Variants in BICD1 observed in about 807,000 individuals in gnomAD.
The protein encoded by BICD1 is protein bicaudal D homolog 1.
Under a neutral mutation model 92.5 loss-of-function variants are expected in BICD1, and 35 were observed. The observed-to-expected ratio is 0.38, with a 90% CI of 0.29 to 0.50. The LOEUF (loss-of-function observed/expected upper bound fraction) is 0.50, where lower values mean the gene tolerates loss of function less well. Among genes scored for constraint, BICD1 ranks in the 20% least tolerant of loss-of-function variants. The pLI is 0.93. For synonymous variants in BICD1, 429 were observed against 465.1 expected (o/e 0.92, Z 1.00); for missense variants, 950 against 1,189.8 (o/e 0.80, Z 2.97).
At chr12:32,207,297 C>T (rs370052669) in intron 1 of BICD1, among the ~76,000 whole-genome samples, 2 of 151,966 alleles carry the variant, frequency 1.3e-5, no homozygotes, top group Non-Finnish European at 2.9e-5. Flanking sequence ...GTACCAATTA[C>T]AAACCATCAG....
chr12:32,117,749 TA>T (rs1941983456), intron 1 of BICD1, among the ~76,000 whole-genome samples: 3 of 92,368 alleles, frequency 3.2e-5, no homozygotes, highest in Admixed American at 2.6e-4. Flanking sequence ...TATATATATA[TA>T]TATATATATT....
chr12:32,231,895 T>C (rs940875853), intron 2 of BICD1, among the ~76,000 whole-genome samples: 10 of 152,100 alleles, frequency 6.6e-5, no homozygotes, highest in Non-Finnish European at 1.5e-4. Context: ...ATTTCATCCA[T>C]GTCCCTACAA....
intron 9 of BICD1, among the ~76,000 whole-genome samples, chr12:32,371,155 A>T (rs866944926): frequency 3.5e-4 from 53 of 152,340 alleles, no homozygotes; most frequent in Non-Finnish European, 3.5e-4. Context: ...TACTTTAAAG[A>T]AAAGCAATTT....
chr12:32,282,623 G>A (rs976598057), intron 2 of BICD1, among the ~76,000 whole-genome samples: 4 of 152,148 alleles, frequency 2.6e-5, no homozygotes, highest in Admixed American at 2.6e-4. Context: ...GCCTGGATGA[G>A]GTTGCCTTTG....
At chr12:32,367,568 C>A in intron 8 of BICD1, 102 bp from the exon 9 acceptor site, 3 of 1,047,758 alleles carry the variant, frequency 2.9e-6, no homozygotes, top group Non-Finnish European at 4.3e-6. Flanking sequence ...TGTGAATGCA[C>A]ATTCCTCACT....
rs776167678 is a variant in BICD1, at chr12:32,338,882, C to G, written c.2667C>G (p.Ser889=). 6.2e-7 allele frequency: 1 copy of G among 1,610,190 alleles called. No individual in the cohort carries two copies. The highest frequency in any genetic ancestry group is 1.7e-5 in the Admixed American group (1 of 59,314). The change falls in exon 8 of 10, where the codon TCC becomes TCG. Residue 889 remains serine, a synonymous_variant. Transcript: ENST00000652176. ...NLLRVPPDPT[S]TESFLLKGPP... ...TAAGAGTTCCCCCTGATCCCACCTCCACAGAATCATTTCTTCTGAAGGGCC... is the reference window on the plus strand; with the variant it reads ...TAAGAGTTCCCCCTGATCCCACCTCGACAGAATCATTTCTTCTGAAGGGCC...
intron 1 of BICD1, among the ~76,000 whole-genome samples, chr12:32,131,931 G>A (rs1055134365): frequency 6.6e-6 from 1 of 152,184 alleles, no homozygotes; most frequent in Non-Finnish European, 1.5e-5. Context: ...AAAGCAAGGT[G>A]GAGGAATAAC....
chr12:32,233,750 G>A (rs1460633931), intron 2 of BICD1, among the ~76,000 whole-genome samples: 2 of 152,110 alleles, frequency 1.3e-5, no homozygotes, highest in Admixed American at 6.6e-5. Flanking sequence ...CCTGGTAGGC[G>A]GGCAAGTAAT....
At chr12:32,357,609 A>G (rs1186047152) in intron 8 of BICD1, among the ~76,000 whole-genome samples, 3 of 152,144 alleles carry the variant, frequency 2.0e-5, no homozygotes, top group African/African-American at 7.2e-5. Flanking sequence ...TAATTTTCTC[A>G]CAGTTCTGGA....
At chr12:32,114,275 G>A (rs1174619827) in intron 1 of BICD1, among the ~76,000 whole-genome samples, 1 of 152,170 alleles carries the variant, frequency 6.6e-6, no homozygotes, top group Non-Finnish European at 1.5e-5. Context: ...CGTAAAGTGT[G>A]GAGATTACAG....
chr12:32,140,509 T>C lies in BICD1; in HGVS notation c.213+32965T>C, dbSNP rs576971403. Among the ~76,000 whole-genome samples, 4 of 152,244 alleles carry C rather than the reference T, an allele frequency of 2.6e-5. No individual in the cohort carries two copies. In the South Asian group the frequency reaches 8.3e-4, roughly 32 times the overall value. On this transcript the variant is annotated intron_variant, in intron 1 of 9. Coordinates refer to ENST00000652176, the MANE Select transcript of BICD1 (RefSeq NM_001714.4). The stretch of plus-strand genomic sequence containing the variant: ...GTTTTGTTTGTTTTTTGATACGGAG[T>C]CTCGCTCTGTCGCCCAGGCTGGAGT...
At chr12:32,132,888 A>G (rs1172076980) in intron 1 of BICD1, among the ~76,000 whole-genome samples, 1 of 152,144 alleles carries the variant, frequency 6.6e-6, no homozygotes, top group Admixed American at 6.5e-5. Context: ...CAGGTAAGAG[A>G]TGATGGTGGC....
chr12:32,229,006 T>C (rs912691933), intron 2 of BICD1, among the ~76,000 whole-genome samples: 2 of 151,934 alleles, frequency 1.3e-5, no homozygotes, highest in Non-Finnish European at 2.9e-5. Context: ...TCCCAGCACT[T>C]TGGGAGGCTG....
chr12:32,193,722 C>A (rs1592452086), intron 1 of BICD1, among the ~76,000 whole-genome samples: 1 of 152,224 alleles, frequency 6.6e-6, no homozygotes, highest in South Asian at 2.1e-4. Context: ...CAAAAACCTC[C>A]AGCAAAGAAA....
chr12:32,261,123 G>A (rs1382859355), intron 2 of BICD1, among the ~76,000 whole-genome samples: 9 of 152,126 alleles, frequency 5.9e-5, no homozygotes, highest in Admixed American at 3.9e-4. Context: ...GTTACCGAAG[G>A]AGGCCCAAGC....
intron 1 of BICD1, among the ~76,000 whole-genome samples, chr12:32,144,383 C>T (rs78864659): frequency 2.4e-4 from 37 of 152,206 alleles, no homozygotes; most frequent in South Asian, 4.1e-4. Flanking sequence ...GTGGCTTTTT[C>T]GCTAATGAAA....
At chr12:32,134,857 A>G (rs555567519) in intron 1 of BICD1, among the ~76,000 whole-genome samples, 2 of 152,292 alleles carry the variant, frequency 1.3e-5, no homozygotes, top group African/African-American at 4.8e-5. Flanking sequence ...CCGTGGCCAC[A>G]GTCAGGCTTG....
intron 2 of BICD1, 57 bp downstream of exon 2, chr12:32,216,516 C>A: frequency 6.5e-7 from 1 of 1,550,034 alleles, no homozygotes; most frequent in South Asian, 1.2e-5. Context: ...AGAAAGTTCT[C>A]TCCATAGCAG....
At chr12:32,151,943 T>TTTG (rs967876677) in intron 1 of BICD1, among the ~76,000 whole-genome samples, 1 of 152,102 alleles carries the variant, frequency 6.6e-6, no homozygotes, top group African/African-American at 2.4e-5. Flanking sequence ...GACTTGTTTT[T>TTTG]TTGTTGTTGT....
Sources: allele counts gnomAD v4.1 joint callset (sites outside exome capture counted in the v4.1 genomes callset), GRCh38; gene constraint gnomAD v4.1.1; transcripts MANE v1.5; gene names NCBI Gene and HGNC (gene_info 2026-07-23, HGNC 2026-07-21).